Variants in UST observed in about 807,000 individuals in gnomAD.
The protein encoded by UST is uronyl 2-sulfotransferase.
Under a neutral mutation model 45.6 loss-of-function variants are expected in UST, and 21 were observed. The ratio of observed to expected loss-of-function variants is 0.46; its 90% CI spans 0.33 to 0.66. The LOEUF is 0.66. UST is among the 30% of genes least tolerant of loss of function. UST has a pLI of 0.02. For synonymous variants in UST, 215 were observed against 200.6 expected, an observed-to-expected ratio of 1.07 and a Z score of -0.61; for missense variants, 463 against 512.4, an observed-to-expected ratio of 0.90 and a Z score of 0.93.
At chr6:148,980,827 C>T (rs1781118597) in intron 5 of UST, among the ~76,000 whole-genome samples, 1 of 152,092 alleles carries the variant, frequency 6.6e-6, no homozygotes, top group African/African-American at 2.4e-5. Context: ...TCAAACCATC[C>T]TCCTCCCTCA....
Position 148,835,705 on chromosome 6 carries a change from G to T in UST, c.248-51281G>T, listed in dbSNP as rs556024869. On this transcript the variant is annotated intron_variant, in intron 1 of 7. Transcript: ENST00000367463. ...TACTGGCCAGTCTCCATGACTTGTG[G>T]GGGGCTTTAGTGTTTTCCAAGATGA... 1.4e-4 allele frequency among the ~76,000 whole-genome samples: 21 copies of T among 152,252 alleles called. No homozygotes were observed. In the East Asian group the frequency reaches 4.1e-3, roughly 29 times the overall value.
At chr6:148,904,092 T>C (rs1416578042) in intron 2 of UST, among the ~76,000 whole-genome samples, 1 of 152,192 alleles carries the variant, frequency 6.6e-6, no homozygotes, top group East Asian at 1.9e-4. Context: ...TCAAAGCCTA[T>C]AAAATCAGAA....
intron 5 of UST, among the ~76,000 whole-genome samples, chr6:149,009,908 G>T (rs1775776606): frequency 6.8e-6 from 1 of 147,884 alleles, no homozygotes; most frequent in African/African-American, 2.5e-5. Flanking sequence ...AAGATTTTAA[G>T]ACCAAAATAG....
intron 1 of UST, among the ~76,000 whole-genome samples, chr6:148,834,794 C>G (rs1380259017): frequency 6.6e-6 from 1 of 152,114 alleles, no homozygotes; most frequent in African/African-American, 2.4e-5. Context: ...AGGCACTATG[C>G]TATGTGGGGG....
intron 1 of UST, among the ~76,000 whole-genome samples, chr6:148,834,959 G>A (rs940730928): frequency 1.3e-5 from 2 of 152,074 alleles, no homozygotes; most frequent in African/African-American, 4.8e-5. Context: ...CAATCTTTAA[G>A]GCAATATGTT....
rs74689428 is a variant in UST, at chr6:148,891,690, C to T, written c.291+4661C>T. Among the ~76,000 whole-genome samples the T allele has an allele frequency of 1.0e-3, 159 of 152,252 alleles. 2 individuals are homozygous for T. In the East Asian group the frequency reaches 0.029, roughly 28 times the overall value. On this transcript the variant is annotated intron_variant, in intron 2 of 7. Coordinates refer to ENST00000367463, the MANE Select transcript of UST (RefSeq NM_005715.3). Reference sequence around the variant, plus strand: ...TAAGTAGAAATACAATAATTTTCTACCTTATTTCTAAATTTTTGCACTTTT... The same window carrying T: ...TAAGTAGAAATACAATAATTTTCTATCTTATTTCTAAATTTTTGCACTTTT...
At chr6:148,979,911 T>C (rs1781096029) in intron 5 of UST, among the ~76,000 whole-genome samples, 1 of 152,250 alleles carries the variant, frequency 6.6e-6, no homozygotes, top group African/African-American at 2.4e-5. Flanking sequence ...ATTAATTTCA[T>C]AAATCAGCAT....
chr6:149,014,518 C>G (rs1226739951), intron 5 of UST, among the ~76,000 whole-genome samples: 2 of 152,198 alleles, frequency 1.3e-5, no homozygotes, highest in African/African-American at 2.4e-5. Flanking sequence ...TGAGCCCTGT[C>G]CCAGGGACCC....
rs188049474 is a variant in UST, at chr6:148,868,545, C to T, written c.248-18441C>T. Among the ~76,000 whole-genome samples the T allele has an allele frequency of 3.8e-3, 585 of 152,178 alleles. 2 individuals carry two copies. Among genetic ancestry groups the T allele is most frequent in the Non-Finnish European group, 5.9e-3 (399 of 67,984 alleles). On this transcript the variant is annotated intron_variant, in intron 1 of 7. Transcript: ENST00000367463. The stretch of plus-strand genomic sequence containing the variant: ...AGCCAGGCTTTTAGAAGGGATTTCC[C>T]AACTCATTTTGTTGAAAGGTAGGAC...
chr6:149,039,841 A>C (rs1776286982), intron 7 of UST, among the ~76,000 whole-genome samples: 1 of 151,974 alleles, frequency 6.6e-6, no homozygotes, highest in South Asian at 2.1e-4. Flanking sequence ...TTGGCAGTTA[A>C]CTCTACAGGG....
At chr6:148,755,714 A>G (rs1418974121) in intron 1 of UST, among the ~76,000 whole-genome samples, 1 of 150,788 alleles carries the variant, frequency 6.6e-6, no homozygotes, top group Non-Finnish European at 1.5e-5. Flanking sequence ...TATTCCAATT[A>G]TGAGCATTTT....
rs1034166328 is a variant in UST at position 149,025,472 on chromosome 6, G to A, written c.937+3991G>A. 4.6e-5 allele frequency among the ~76,000 whole-genome samples: 7 copies of A among 152,124 alleles called. No homozygotes were observed. In the East Asian group the frequency reaches 5.8e-4, roughly 13 times the overall value. On this transcript the variant is annotated intron_variant, in intron 7 of 7. Transcript: ENST00000367463. ...AATATGCTTGGTATTTCTTCCAGCC[G>A]GTGCGCAGCTGCTGATATTAGGACA...
At chr6:148,899,092 CTTTTTTT>C (rs3075093) in intron 2 of UST, among the ~76,000 whole-genome samples, 1 of 65,552 alleles carries the variant, frequency 1.5e-5, no homozygotes, top group Non-Finnish European at 2.8e-5. Context: ...CTACCTAATC[CTTTTTTT>C]TTTTTTTTTT....
intron 2 of UST, among the ~76,000 whole-genome samples, chr6:148,921,447 G>A (rs968943718): frequency 1.3e-5 from 2 of 152,216 alleles, no homozygotes; most frequent in African/African-American, 2.4e-5. Context: ...TAGTATGCTT[G>A]TTGTTTGTTG....
At chr6:148,955,919 T>C (rs1173542755) in intron 4 of UST, 1 of 152,246 alleles carries the variant, frequency 6.6e-6, no homozygotes, top group Admixed American at 6.5e-5. Flanking sequence ...GATCACAGTA[T>C]GGTGGCCATA....
chr6:148,841,761 C>G (rs1777896269), intron 1 of UST, among the ~76,000 whole-genome samples: 1 of 152,182 alleles, frequency 6.6e-6, no homozygotes, highest in Non-Finnish European at 1.5e-5. Context: ...CTTAACTTTT[C>G]ACTACCCTTA....
At chr6:148,965,606 G>A (rs1780775217) in intron 5 of UST, among the ~76,000 whole-genome samples, 1 of 152,204 alleles carries the variant, frequency 6.6e-6, no homozygotes, top group East Asian at 1.9e-4. Flanking sequence ...AAAACATAAT[G>A]GAAGTGGATG....
At chr6:148,832,999 G>T (rs1406002430) in intron 1 of UST, among the ~76,000 whole-genome samples, 1 of 152,114 alleles carries the variant, frequency 6.6e-6, no homozygotes, top group Non-Finnish European at 1.5e-5. Flanking sequence ...AACAAGAAAA[G>T]AAAGTATAGG....
At chr6:149,017,205 A>G (rs1411276403) in intron 5 of UST, among the ~76,000 whole-genome samples, 7 of 152,082 alleles carry the variant, frequency 4.6e-5, no homozygotes, top group Non-Finnish European at 8.8e-5. Context: ...GTGAAACCCC[A>G]TCTCTACTAA....
Sources: allele counts gnomAD v4.1 joint callset (sites outside exome capture counted in the v4.1 genomes callset), GRCh38; gene constraint gnomAD v4.1.1; transcripts MANE v1.5; gene names NCBI Gene and HGNC (gene_info 2026-07-23, HGNC 2026-07-21).